ZMAT4: variants seen among roughly 807,000 people sequenced by gnomAD.
ZMAT4 encodes zinc finger matrin-type protein 4.
Under a neutral mutation model 28.7 loss-of-function variants are expected in ZMAT4, and 17 were observed. The ratio of observed to expected loss-of-function variants is 0.59; its 90% CI spans 0.41 to 0.89. The LOEUF is 0.89. Ranked by LOEUF, ZMAT4 falls within the 40% of genes least tolerant of loss-of-function variation. The pLI, the probability that ZMAT4 is intolerant of heterozygous loss-of-function variation, is 0.00. For missense variants in ZMAT4, 240 were observed against 283.8 expected (o/e 0.85, Z 1.11); for synonymous variants, 117 against 109.2 (o/e 1.07, Z -0.44).
chr8:40,801,105 A>G (rs918540333), intron 2 of ZMAT4, among the ~76,000 whole-genome samples: 1 of 151,716 alleles, frequency 6.6e-6, no homozygotes, highest in African/African-American at 2.4e-5. Flanking sequence ...TATGTCCAAA[A>G]ATTTAATAAC....
chr8:40,841,323 G>A (rs1458374265), intron 1 of ZMAT4, among the ~76,000 whole-genome samples: 1 of 152,236 alleles, frequency 6.6e-6, no homozygotes, highest in East Asian at 1.9e-4. Flanking sequence ...AATGCATCTG[G>A]GACCAGGCAA....
intron 3 of ZMAT4, among the ~76,000 whole-genome samples, chr8:40,733,492 A>G (rs1811632143): frequency 6.6e-6 from 1 of 152,232 alleles, no homozygotes; most frequent in Non-Finnish European, 1.5e-5. Flanking sequence ...TGTATTCTAC[A>G]GAATTAACTA....
At chr8:40,682,061 T>C (rs1446590455) in intron 4 of ZMAT4, among the ~76,000 whole-genome samples, 2 of 152,156 alleles carry the variant, frequency 1.3e-5, no homozygotes, top group African/African-American at 4.8e-5. Flanking sequence ...TAAAACAATA[T>C]AGACTAGAAG....
At chr8:40,850,545 T>C (rs1769048604) in intron 1 of ZMAT4, among the ~76,000 whole-genome samples, 1 of 152,220 alleles carries the variant, frequency 6.6e-6, no homozygotes, top group African/African-American at 2.4e-5. Flanking sequence ...GGTAGAGATC[T>C]CTTCTATCTT....
intron 5 of ZMAT4, among the ~76,000 whole-genome samples, chr8:40,667,458 C>T (rs1808467396): frequency 6.6e-6 from 1 of 152,038 alleles, no homozygotes; most frequent in Admixed American, 6.6e-5. Context: ...CCGGCCCTGT[C>T]CTGCAATAAT....
chr8:40,582,622 G>A (rs1175136590), intron 5 of ZMAT4, among the ~76,000 whole-genome samples: 1 of 152,172 alleles, frequency 6.6e-6, no homozygotes, highest in Non-Finnish European at 1.5e-5. Flanking sequence ...ATTTTAACAG[G>A]CAAAGTTATT....
At chr8:40,631,195 CAG>C (rs1806565825) in intron 5 of ZMAT4, among the ~76,000 whole-genome samples, 1 of 147,556 alleles carries the variant, frequency 6.8e-6, no homozygotes, top group African/African-American at 2.5e-5. Context: ...GTTTATTTGA[CAG>C]AGTCTCACTC....
chr8:40,592,354 G>T (rs1443234093), intron 5 of ZMAT4, among the ~76,000 whole-genome samples: 1 of 152,162 alleles, frequency 6.6e-6, no homozygotes, highest in Non-Finnish European at 1.5e-5. Context: ...CCTAGTTAAA[G>T]AGCCTGTATT....
chr8:40,802,056 T>A (rs1253106499), intron 2 of ZMAT4, among the ~76,000 whole-genome samples: 1 of 152,060 alleles, frequency 6.6e-6, no homozygotes, highest in African/African-American at 2.4e-5. Context: ...TTCAGTAAAA[T>A]AGGAATAGAG....
At chr8:40,764,943 A>C (rs1421991693) in intron 3 of ZMAT4, among the ~76,000 whole-genome samples, 2 of 152,012 alleles carry the variant, frequency 1.3e-5, no homozygotes, top group Non-Finnish European at 1.5e-5. Context: ...GCAATCCTCC[A>C]GCCTCAGCCT....
At chr8:40,740,448 T>C (rs1323592796) in intron 3 of ZMAT4, among the ~76,000 whole-genome samples, 1 of 152,234 alleles carries the variant, frequency 6.6e-6, no homozygotes, top group Non-Finnish European at 1.5e-5. Context: ...CATCAAAATA[T>C]GTAATGCTTG....
chr8:40,635,739 G>A (rs1001541860), intron 5 of ZMAT4, among the ~76,000 whole-genome samples: 8 of 152,234 alleles, frequency 5.3e-5, no homozygotes, highest in African/African-American at 1.9e-4. Context: ...CATCCGCAAT[G>A]ATCTTGTCTT....
At chr8:40,581,731 G>A (rs2118546470) in intron 5 of ZMAT4, among the ~76,000 whole-genome samples, 1 of 152,280 alleles carries the variant, frequency 6.6e-6, no homozygotes, top group East Asian at 1.9e-4. Context: ...TTTATAAAAT[G>A]TAAATACCAG....
At chr8:40,533,841 C>A (rs1802768017) in intron 6 of ZMAT4, among the ~76,000 whole-genome samples, 1 of 152,178 alleles carries the variant, frequency 6.6e-6, no homozygotes, top group Admixed American at 6.5e-5. Context: ...ACCATCCGGT[C>A]ATGACCTAAA....
chr8:40,613,002 G>A (rs1051515130), intron 5 of ZMAT4, among the ~76,000 whole-genome samples: 3 of 150,556 alleles, frequency 2.0e-5, no homozygotes, highest in Non-Finnish European at 4.4e-5. Flanking sequence ...TAGTAGACAC[G>A]GGGTTTCACC....
In ZMAT4 at chr8:40,651,320, A is replaced by G. The variant is rs188915259; in HGVS notation, c.577+23384T>C. On this transcript the variant is annotated intron_variant, in intron 5 of 6. Transcript: ENST00000297737. ...AGAGCCAAATCATGAGTGAACTCTC[A>G]TTCACAATTGCTTTAAAGAGAATAA... 1.1e-4 allele frequency among the ~76,000 whole-genome samples: 17 copies of G among 152,362 alleles called. No homozygotes were observed. The East Asian group carries it at 3.1e-3, about 28-fold the overall frequency.
At chr8:40,644,244 C>T (rs1807194465) in intron 5 of ZMAT4, among the ~76,000 whole-genome samples, 1 of 152,076 alleles carries the variant, frequency 6.6e-6, no homozygotes, top group Non-Finnish European at 1.5e-5. Flanking sequence ...AGCAAGCAAC[C>T]TAGCACCCAA....
chr8:40,540,060 C>A (rs1019753838), intron 6 of ZMAT4, among the ~76,000 whole-genome samples: 1 of 152,200 alleles, frequency 6.6e-6, no homozygotes, highest in African/African-American at 2.4e-5. Flanking sequence ...CATAATAAAA[C>A]TCTGGACACC....
chr8:40,817,686 C>A (rs1463408260), intron 2 of ZMAT4, among the ~76,000 whole-genome samples: 1 of 152,026 alleles, frequency 6.6e-6, no homozygotes, highest in African/African-American at 2.4e-5. Context: ...CCAAGGGGAG[C>A]CACATTCCCA....
Sources: allele counts gnomAD v4.1 joint callset (sites outside exome capture counted in the v4.1 genomes callset), GRCh38; gene constraint gnomAD v4.1.1; transcripts MANE v1.5; gene names NCBI Gene and HGNC (gene_info 2026-07-23, HGNC 2026-07-21).